Variants in GSE1 observed in about 807,000 individuals in gnomAD.
The protein encoded by GSE1 is genetic suppressor element 1.
A neutral mutation model predicts 112.6 loss-of-function variants in GSE1; 32 were observed. That is an observed-to-expected ratio of 0.28 (90% CI 0.21 to 0.38). The LOEUF is 0.38. GSE1 is among the 10% of genes least tolerant of loss of function. The probability of loss-of-function intolerance (pLI) is 1.00; values close to 1 mark genes in which losing one functional copy is unlikely to be tolerated. For missense variants in GSE1, 2,348 were observed against 1,699.2 expected, an observed-to-expected ratio of 1.38 and a Z score of -6.71; for synonymous variants, 1,115 against 735.6, an observed-to-expected ratio of 1.52 and a Z score of -8.35.
intron 1 of GSE1, among the ~76,000 whole-genome samples, chr16:85,246,391 C>CACA (rs1235787397): frequency 1.1e-5 from 1 of 88,724 alleles, no homozygotes; most frequent in Non-Finnish European, 2.2e-5. Context: ...ACACACACAC[C>CACA]CCACACGCTG....
chr16:85,310,831 G>A (rs114854576), intron 1 of GSE1, among the ~76,000 whole-genome samples: 1,836 of 85,268 alleles, frequency 0.022, 29 homozygotes, highest in African/African-American at 0.066. Context: ...ACACCCACCC[G>A]GGGTCCAGCA....
intron 1 of GSE1, among the ~76,000 whole-genome samples, chr16:85,563,889 G>A (rs896375988): frequency 2.0e-5 from 3 of 152,232 alleles, no homozygotes; most frequent in Non-Finnish European, 4.4e-5. Context: ...CCACTGTGGC[G>A]AGCTAGGATG....
At chr16:85,387,519 A>G (rs371581102) in intron 2 of GSE1, among the ~76,000 whole-genome samples, 4 of 152,024 alleles carry the variant, frequency 2.6e-5, no homozygotes, top group African/African-American at 7.2e-5. Flanking sequence ...GCCTCACTCA[A>G]ATGTCACCTC....
chr16:85,475,028 T>C (rs1233246504), intron 2 of GSE1, among the ~76,000 whole-genome samples: 1 of 152,132 alleles, frequency 6.6e-6, no homozygotes, highest in Non-Finnish European at 1.5e-5. Context: ...CCCCATGTCC[T>C]CTGTGCTACC....
At chr16:85,236,048 G>T (rs190802210) in intron 1 of GSE1, among the ~76,000 whole-genome samples, 7 of 152,136 alleles carry the variant, frequency 4.6e-5, no homozygotes, top group African/African-American at 1.4e-4. Flanking sequence ...CTGGGGCTGG[G>T]GCTGGTGCCG....
intron 1 of GSE1, among the ~76,000 whole-genome samples, chr16:85,352,343 C>A (rs1298653981): frequency 1.3e-5 from 2 of 152,206 alleles, no homozygotes; most frequent in Non-Finnish European, 2.9e-5. Flanking sequence ...CTAACTAAAG[C>A]TTTAAAGGTG....
chr16:85,475,993 C>T (rs117031170), intron 2 of GSE1, among the ~76,000 whole-genome samples: 4,115 of 152,148 alleles, frequency 0.027, 69 homozygotes, highest in East Asian at 0.053. Context: ...TGCAGTGACA[C>T]GATCTTGGCT....
At chr16:85,409,415 G>A (rs1435961499) in intron 2 of GSE1, among the ~76,000 whole-genome samples, 6 of 31,708 alleles carry the variant, frequency 1.9e-4, no homozygotes, top group Non-Finnish European at 1.8e-4. Context: ...GGCCCCCCTG[G>A]ATAATCCTCA....
At chr16:85,512,243 A>G (rs761868156) in intron 2 of GSE1, among the ~76,000 whole-genome samples, 74 of 152,288 alleles carry the variant, frequency 4.9e-4, no homozygotes, top group South Asian at 1.2e-3. Context: ...GCCTGGACCC[A>G]GGCAGTATTC....
chr16:85,217,525 A>T (rs991359484), intron 1 of GSE1, among the ~76,000 whole-genome samples: 3 of 152,208 alleles, frequency 2.0e-5, no homozygotes, highest in African/African-American at 7.2e-5. Context: ...AGGCTCAGAG[A>T]GTGCGTGACT....
chr16:85,613,449 CG>C (rs977195501), intron 1 of GSE1, 51 bp downstream of exon 1: 19 of 1,486,700 alleles, frequency 1.3e-5, no homozygotes, highest in Non-Finnish European at 1.6e-5. Flanking sequence ...CTCCCCCCAC[CG>C]CACTGTCCTC....
At chr16:85,641,456 A>G (rs1370125858) in intron 2 of GSE1, among the ~76,000 whole-genome samples, 1 of 145,238 alleles carries the variant, frequency 6.9e-6, no homozygotes, top group Non-Finnish European at 1.5e-5. Flanking sequence ...TGTGAGGTGG[A>G]GCCTCGTTGG....
chr16:85,190,834 A>G (rs1567600267), intron 1 of GSE1, among the ~76,000 whole-genome samples: 1 of 152,110 alleles, frequency 6.6e-6, no homozygotes, highest in Non-Finnish European at 1.5e-5. Context: ...CAAAGGGCGG[A>G]CTCACCAGGG....
chr16:85,414,342 A>G (rs1381790438), intron 2 of GSE1, among the ~76,000 whole-genome samples: 1 of 152,266 alleles, frequency 6.6e-6, no homozygotes, highest in Non-Finnish European at 1.5e-5. Context: ...ATCTATGTCA[A>G]CAACCCACAA....
At chr16:85,302,406 T>A (rs1412865687) in intron 1 of GSE1, among the ~76,000 whole-genome samples, 1 of 151,596 alleles carries the variant, frequency 6.6e-6, no homozygotes, top group Non-Finnish European at 1.5e-5. Flanking sequence ...GTCGGCCCAG[T>A]TTACTGAATG....
At position 85,655,816 on chromosome 16, in the gene GSE1, G is replaced by T; in HGVS notation, c.888G>T (p.Ala296=). 1.2e-6 allele frequency: 2 copies of T among 1,601,382 alleles called. No individual in the cohort carries two copies. The highest frequency in any genetic ancestry group is 8.5e-7 in the Non-Finnish European group (1 of 1,170,896). The part of the protein sequence containing the change: ...PGSLPPLHPS[A]MHLHLSGVRY... Reference sequence around the variant, plus strand: ...CCCTGCCCCCACTGCACCCATCAGCGATGCACCTGCACCTCTCTGGGGTCC... The same window carrying T: ...CCCTGCCCCCACTGCACCCATCAGCTATGCACCTGCACCTCTCTGGGGTCC... The change falls in exon 6 of 16, where the codon GCG becomes GCT. Residue 296 remains alanine, a synonymous_variant. Coordinates refer to ENST00000253458, the MANE Select transcript of GSE1 (RefSeq NM_014615.5).
At chr16:85,611,473 G>C (rs2047978651), upstream of GSE1, 1 of 985,210 alleles carries the variant, frequency 1.0e-6, no homozygotes, top group Admixed American at 6.1e-5. Context: ...CGGTGAGCTG[G>C]CGGGTCGTGC....
chr16:85,290,784 G>T (rs2045186566), intron 1 of GSE1, among the ~76,000 whole-genome samples: 1 of 151,586 alleles, frequency 6.6e-6, no homozygotes, highest in African/African-American at 2.4e-5. Context: ...TTGTCATGCT[G>T]ACCAGATGGC....
At chr16:85,611,755 G>T (rs572794943), upstream of GSE1, among the ~76,000 whole-genome samples, 13 of 152,140 alleles carry the variant, frequency 8.5e-5, no homozygotes, top group East Asian at 2.3e-3. Context: ...CTCCCCGCTG[G>T]CGCGGGCCCC....
Sources: gnomAD v4.1 joint callset for allele counts (sites outside exome capture counted in the v4.1 genomes callset) on GRCh38, gnomAD v4.1.1 for gene constraint, MANE v1.5 for transcripts, NCBI Gene and HGNC (gene_info 2026-07-23, HGNC 2026-07-21) for gene names.